Variants in ZSWIM5 observed in about 807,000 individuals in gnomAD.
The protein encoded by ZSWIM5 is zinc finger SWIM domain-containing protein 5.
ZSWIM5 carries 55 observed loss-of-function variants against 119.6 expected under a neutral mutation model. That is an observed-to-expected ratio of 0.46 (90% CI 0.37 to 0.58). The LOEUF (loss-of-function observed/expected upper bound fraction) is 0.58. ZSWIM5 is among the 20% of genes least tolerant of loss of function. The probability of loss-of-function intolerance (pLI) is 0.00; values close to 1 mark genes in which losing one functional copy is unlikely to be tolerated. For synonymous variants in ZSWIM5, 537 were observed against 606.9 expected (o/e 0.88, Z 1.69); for missense variants, 1,193 against 1,512.8 (o/e 0.79, Z 3.51).
At chr1:45,127,899 C>T (rs988653896) in intron 1 of ZSWIM5, among the ~76,000 whole-genome samples, 1 of 151,996 alleles carries the variant, frequency 6.6e-6, no homozygotes. Flanking sequence ...GAAGAAAAGA[C>T]GAGGGAGTAT....
At chr1:45,092,318 A>G (rs1236503013) in intron 1 of ZSWIM5, among the ~76,000 whole-genome samples, 3 of 151,864 alleles carry the variant, frequency 2.0e-5, no homozygotes, top group African/African-American at 7.3e-5. Flanking sequence ...GTTTTTTGAG[A>G]TGGAGTCTCA....
intron 11 of ZSWIM5, 27 bp from the exon 12 acceptor site, chr1:45,020,815 G>C (rs375162704): frequency 1.2e-6 from 2 of 1,606,310 alleles, no homozygotes; most frequent in African/African-American, 2.7e-5. Flanking sequence ...AAGGGGCAGG[G>C]TCTATTTTAA....
chr1:45,114,646 T>C (rs1470114808), intron 1 of ZSWIM5, among the ~76,000 whole-genome samples: 12 of 151,476 alleles, frequency 7.9e-5, no homozygotes, highest in Non-Finnish European at 1.5e-5. Context: ...TCTGTATCTT[T>C]TTTTTTTTTT....
At chr1:45,123,117 C>T (rs1645603164) in intron 1 of ZSWIM5, among the ~76,000 whole-genome samples, 1 of 152,180 alleles carries the variant, frequency 6.6e-6, no homozygotes, top group South Asian at 2.1e-4. Context: ...CCCTTCCTAC[C>T]TCTGCCACAA....
chr1:45,194,860 G>C (rs1435016260), intron 1 of ZSWIM5, among the ~76,000 whole-genome samples: 4 of 150,000 alleles, frequency 2.7e-5, no homozygotes, highest in Non-Finnish European at 5.9e-5. Context: ...CTGGGCAACA[G>C]AGCAAGACTC....
Position 45,037,333 on chromosome 1 carries a change from A to G in ZSWIM5, c.1895-1034T>C, listed in dbSNP as rs796745115. On this transcript the variant is annotated intron_variant, in intron 8 of 13. Transcript: ENST00000359600. ...ACCATGTTGGCCAGGCTGGTCTCCA[A>G]CTCCTGACCTCAGGTGATCTGCCTG... is the stretch of plus-strand genomic sequence containing the variant. Among the ~76,000 whole-genome samples the G allele has an allele frequency of 4.6e-5, 7 of 151,326 alleles. No individual in the cohort carries two copies. In the East Asian group the frequency reaches 7.8e-4, roughly 17 times the overall value.
Position 45,040,522 on chromosome 1 carries a change from G to A in ZSWIM5, c.1626C>T (p.Ala542=). 6.2e-7 allele frequency: 1 copy of A among 1,604,464 alleles called. No homozygotes were observed. The change falls in exon 7 of 14, where the codon GCC becomes GCT. Residue 542 remains alanine (A), a synonymous_variant. Coordinates refer to ENST00000359600, the MANE Select transcript of ZSWIM5 (RefSeq NM_020883.2). The part of the protein sequence containing the change: ...QPLWLEHVPT[A]CARVDALRSH... ...AACGCAGGGCGTCAACTCGAGCACA[G>A]GCTGTAGGCACATGCTCTACCAAGT... is the stretch of plus-strand genomic sequence containing the variant.
At chr1:45,090,627 G>A (rs898345534) in intron 1 of ZSWIM5, among the ~76,000 whole-genome samples, 1 of 151,726 alleles carries the variant, frequency 6.6e-6, no homozygotes, top group Non-Finnish European at 1.5e-5. Flanking sequence ...GCACAGTAAG[G>A]TAAAATAAAA....
intron 1 of ZSWIM5, among the ~76,000 whole-genome samples, chr1:45,179,364 G>A (rs894032908): frequency 6.6e-6 from 1 of 152,062 alleles, no homozygotes; most frequent in Non-Finnish European, 1.5e-5. Context: ...AAGACTAAAT[G>A]TTCTCACTTA....
At chr1:45,058,832 A>AG in intron 3 of ZSWIM5, 73 bp from the exon 4 acceptor site, 1 of 1,560,450 alleles carries the variant, frequency 6.4e-7, no homozygotes, top group Non-Finnish European at 8.8e-7. Flanking sequence ...GAAGTGGGGG[A>AG]GGGGGAAGTG....
chr1:45,172,413 C>G (rs2149045655), intron 1 of ZSWIM5, among the ~76,000 whole-genome samples: 1 of 152,132 alleles, frequency 6.6e-6, no homozygotes, highest in South Asian at 2.1e-4. Flanking sequence ...CAGATATATT[C>G]TTAGTGAAGT....
At chr1:45,093,849 T>TTC (rs1438550831) in intron 1 of ZSWIM5, among the ~76,000 whole-genome samples, 3 of 149,674 alleles carry the variant, frequency 2.0e-5, no homozygotes, top group Non-Finnish European at 4.5e-5. Context: ...GAAGCTTGTT[T>TTC]TTTTTTTTTT....
intron 1 of ZSWIM5, among the ~76,000 whole-genome samples, chr1:45,202,093 C>T (rs1646161970): frequency 1.3e-5 from 2 of 151,852 alleles, no homozygotes; most frequent in South Asian, 4.1e-4. Context: ...AAAGCACACC[C>T]GCTTAAAGGA....
At chr1:45,131,230 A>G (rs777472278) in intron 1 of ZSWIM5, among the ~76,000 whole-genome samples, 45 of 152,218 alleles carry the variant, frequency 3.0e-4, no homozygotes, top group Non-Finnish European at 4.4e-4. Context: ...TGAAGGTGTT[A>G]TCATTGGGGG....
chr1:45,193,042 T>C (rs929307235), intron 1 of ZSWIM5, among the ~76,000 whole-genome samples: 1 of 152,184 alleles, frequency 6.6e-6, no homozygotes, highest in Non-Finnish European at 1.5e-5. Flanking sequence ...ATTCTGGATA[T>C]TAATCCCCTT....
intron 1 of ZSWIM5, among the ~76,000 whole-genome samples, chr1:45,125,228 A>C (rs1306472742): frequency 6.6e-6 from 1 of 152,238 alleles, no homozygotes; most frequent in Non-Finnish European, 1.5e-5. Context: ...TGAAAATAAT[A>C]CAGAGTGTGT....
chr1:45,104,688 G>C (rs1232405851), intron 1 of ZSWIM5, among the ~76,000 whole-genome samples: 1 of 152,186 alleles, frequency 6.6e-6, no homozygotes, highest in Non-Finnish European at 1.5e-5. Context: ...TTGTATTATA[G>C]AGGTCACCCT....
intron 7 of ZSWIM5, among the ~76,000 whole-genome samples, chr1:45,040,055 C>T (rs1645010322): frequency 6.6e-6 from 1 of 152,052 alleles, no homozygotes; most frequent in South Asian, 2.1e-4. Flanking sequence ...CCAGGCTGGT[C>T]TCAAACTCCT....
At chr1:45,157,362 G>A (rs1339071159) in intron 1 of ZSWIM5, among the ~76,000 whole-genome samples, 1 of 152,018 alleles carries the variant, frequency 6.6e-6, no homozygotes, top group Non-Finnish European at 1.5e-5. Flanking sequence ...TGCTGGTAGA[G>A]ACAAGGTCTC....
Sources: gnomAD v4.1 joint callset for allele counts (sites outside exome capture counted in the v4.1 genomes callset) on GRCh38, gnomAD v4.1.1 for gene constraint, MANE v1.5 for transcripts, NCBI Gene and HGNC (gene_info 2026-07-23, HGNC 2026-07-21) for gene names.